SEPTIN11: variants seen among roughly 807,000 people sequenced by gnomAD.
SEPTIN11 encodes septin 11, also known as septin-11.
Under a neutral mutation model 51.4 loss-of-function variants are expected in SEPTIN11, and 25 were observed. That is an observed-to-expected ratio of 0.49 (90% CI 0.35 to 0.68). The LOEUF is 0.68. SEPTIN11 is among the 30% of genes least tolerant of loss of function. SEPTIN11 has a pLI of 0.00. For missense variants in SEPTIN11, 381 were observed against 520.8 expected (o/e 0.73, Z 2.61); for synonymous variants, 174 against 184.1 (o/e 0.95, Z 0.44).
chr4:76,984,739 AAAC>A lies in SEPTIN11; in HGVS notation c.28-11681_28-11679del, dbSNP rs758629600. Among the ~76,000 whole-genome samples the A allele has an allele frequency of 1.3e-5, 2 of 152,210 alleles. No homozygotes were observed. The highest frequency in any genetic ancestry group is 2.9e-5 in the Non-Finnish European group (2 of 68,036). ...CAGGAGGGACAAAAATGACCCAAAT[AAAC>A]AACAGTGAGACAAGTGGGTGGTTTT... On this transcript the variant is annotated intron_variant, in intron 1 of 9. Transcript: ENST00000264893. This position sits in a 1 kb window ranked among gnomAD's most constrained non-coding sequence, Gnocchi z 4.1.
At chr4:76,964,190 A>G (rs542380787) in intron 1 of SEPTIN11, among the ~76,000 whole-genome samples, 1 of 152,310 alleles carries the variant, frequency 6.6e-6, no homozygotes, top group African/African-American at 2.4e-5. Flanking sequence ...CATTAAGAAA[A>G]ACTTTTTTTA....
chr4:76,979,029 G>T (rs1469225903), intron 1 of SEPTIN11, among the ~76,000 whole-genome samples: 1 of 152,198 alleles, frequency 6.6e-6, no homozygotes, highest in African/African-American at 2.4e-5. Flanking sequence ...GTTGTTTTTG[G>T]TTGGGGAAGT....
intron 4 of SEPTIN11, among the ~76,000 whole-genome samples, chr4:77,012,983 T>C (rs975472032): frequency 6.6e-6 from 1 of 152,212 alleles, no homozygotes; most frequent in Non-Finnish European, 1.5e-5. Context: ...TTAGCCATGA[T>C]AGTGGAGAGA....
At chr4:76,998,464 T>C (rs577125276) in intron 2 of SEPTIN11, among the ~76,000 whole-genome samples, 2 of 152,192 alleles carry the variant, frequency 1.3e-5, no homozygotes, top group Non-Finnish European at 2.9e-5. Flanking sequence ...TTCCAGCTTC[T>C]GGAAGCTGCC....
intron 1 of SEPTIN11, among the ~76,000 whole-genome samples, chr4:76,976,806 A>G (rs1302190155): frequency 6.6e-6 from 1 of 152,192 alleles, no homozygotes; most frequent in Non-Finnish European, 1.5e-5. Context: ...TTTAACAACT[A>G]GAGTTTATGT....
At chr4:77,022,965 C>T (rs1056372692) in intron 7 of SEPTIN11, among the ~76,000 whole-genome samples, 11 of 152,262 alleles carry the variant, frequency 7.2e-5, no homozygotes, top group Admixed American at 1.3e-4. Context: ...CTGCTGCAGA[C>T]GCACAGCCTG....
intron 1 of SEPTIN11, chr4:76,972,961 G>A (rs1416720360): frequency 6.6e-6 from 1 of 152,160 alleles, no homozygotes; most frequent in African/African-American, 2.4e-5. Context: ...GTCCACAGCT[G>A]GCAAGTAAAT....
At chr4:77,039,841 C>A, downstream of SEPTIN11, 1 of 650,126 alleles carries the variant, frequency 1.5e-6, no homozygotes, top group Non-Finnish European at 1.9e-6. Context: ...ACTTGCATCC[C>A]TTATATAAGT....
intron 3 of SEPTIN11, among the ~76,000 whole-genome samples, chr4:77,010,156 T>C (rs1439976474): frequency 6.6e-6 from 1 of 152,156 alleles, no homozygotes; most frequent in Non-Finnish European, 1.5e-5. Context: ...AGCTCTCTGA[T>C]AGAACTACTA....
intron 1 of SEPTIN11, chr4:76,959,299 A>G (rs1398103923): frequency 6.4e-6 from 1 of 155,856 alleles, no homozygotes. Flanking sequence ...TTTTTAATGG[A>G]TACAGAGTCT....
At chr4:77,022,869 G>A (rs1458930024) in intron 7 of SEPTIN11, among the ~76,000 whole-genome samples, 1 of 143,544 alleles carries the variant, frequency 7.0e-6, no homozygotes, top group Non-Finnish European at 1.5e-5. Flanking sequence ...GGGCCCAGTG[G>A]CCTAAGTTTG....
chr4:76,983,742 G>C (rs1052935352), intron 1 of SEPTIN11, among the ~76,000 whole-genome samples: 3 of 152,218 alleles, frequency 2.0e-5, no homozygotes, highest in African/African-American at 7.2e-5. Context: ...AGGTGTGGTG[G>C]CTCATGCCCG....
chr4:76,966,069 C>G (rs757829691), intron 1 of SEPTIN11, among the ~76,000 whole-genome samples: 1 of 152,190 alleles, frequency 6.6e-6, no homozygotes, highest in Non-Finnish European at 1.5e-5. Flanking sequence ...TTCCCTTAGG[C>G]TTTGTTAACT....
rs1188391422 is a variant in SEPTIN11 at position 77,027,176 on chromosome 4, C to T, written c.954-1453C>T. ...TTCGAGATGGAGTCTTGCTCTGTTG[C>T]CCAGGCTGGAGTGCAATGGCATGGT... On this transcript the variant is annotated intron_variant, in intron 7 of 9. Transcript: ENST00000264893. Among the ~76,000 whole-genome samples the T allele has an allele frequency of 2.0e-5, 3 of 152,276 alleles. No homozygotes were observed. In the East Asian group the frequency reaches 5.8e-4, roughly 29 times the overall value.
In SEPTIN11 at chr4:77,036,281, T is replaced by C. The variant is rs994377098; in HGVS notation, c.*1769T>C. The C allele has an allele frequency of 2.2e-5, 22 of 1,009,102 alleles. No individual in the cohort carries two copies. In the Admixed American group the frequency reaches 9.7e-4, roughly 44 times the overall value. 62.5% of individuals were successfully genotyped at this position (1,009,102 alleles called of 1,614,324 possible). A position where few individuals can be genotyped will look rare whatever the true frequency, so the allele number is the denominator to read the frequency against. ...CCAACATTCTTGTTTTTGCTTTTGT[T>C]TTTTTAAATAATTCTAGTCTGGAGC... On this transcript the variant is annotated 3_prime_UTR_variant, in exon 10 of 10. Coordinates refer to ENST00000264893, the MANE Select transcript of SEPTIN11 (RefSeq NM_018243.4).
intron 1 of SEPTIN11, among the ~76,000 whole-genome samples, chr4:76,982,531 A>G (rs1722822146): frequency 6.6e-6 from 1 of 152,098 alleles, no homozygotes; most frequent in South Asian, 2.1e-4. Flanking sequence ...TCATCTTACC[A>G]TAACCTAGGG....
intron 1 of SEPTIN11, among the ~76,000 whole-genome samples, chr4:76,950,387 AGGGGT>A (rs1019210560): frequency 3.3e-5 from 5 of 152,114 alleles, no homozygotes; most frequent in African/African-American, 1.2e-4. Flanking sequence ...AGCAGGTCAG[AGGGGT>A]GGGATTTCCG....
intron 5 of SEPTIN11, among the ~76,000 whole-genome samples, chr4:77,017,997 A>G (rs1415652243): frequency 6.6e-6 from 1 of 152,236 alleles, no homozygotes; most frequent in Non-Finnish European, 1.5e-5. Flanking sequence ...AGTGTTGTTC[A>G]AATAGAACTA....
chr4:76,993,358 T>C (rs1369750592), intron 1 of SEPTIN11, among the ~76,000 whole-genome samples: 10 of 152,108 alleles, frequency 6.6e-5, no homozygotes, highest in Admixed American at 6.5e-4. Context: ...CAGAGTTCAA[T>C]ATTAGAGATA....
Sources: gnomAD v4.1 joint callset for allele counts (sites outside exome capture counted in the v4.1 genomes callset) on GRCh38, gnomAD v4.1.1 for gene constraint, Gnocchi (gnomAD v3.1) non-coding constraint, MANE v1.5 for transcripts, NCBI Gene and HGNC (gene_info 2026-07-23, HGNC 2026-07-21) for gene names.